The following MYT1L variants were observed in gnomAD, a reference collection of about 807,000 sequenced individuals.
MYT1L encodes myelin transcription factor 1-like protein.
Under a neutral mutation model 126.7 loss-of-function variants are expected in MYT1L, and 12 were observed. The ratio of observed to expected loss-of-function variants is 0.09; its 90% CI spans 0.06 to 0.15. The LOEUF (loss-of-function observed/expected upper bound fraction) is 0.15. Among genes scored for constraint, MYT1L ranks in the 10% least tolerant of loss-of-function variants. The pLI is 1.00. For synonymous variants in MYT1L, 541 were observed against 604.2 expected, an observed-to-expected ratio of 0.90 and a Z score of 1.53; for missense variants, 979 against 1,585.2, an observed-to-expected ratio of 0.62 and a Z score of 6.49.
At chr2:2,315,575 A>G (rs1170794316) in intron 1 of MYT1L, among the ~76,000 whole-genome samples, 2 of 152,188 alleles carry the variant, frequency 1.3e-5, no homozygotes, top group Non-Finnish European at 2.9e-5. Context: ...CCCACTAAGT[A>G]TTAGCCATTG....
intron 2 of MYT1L, among the ~76,000 whole-genome samples, chr2:2,243,609 G>A (rs1312311799): frequency 6.6e-6 from 1 of 152,202 alleles, no homozygotes; most frequent in African/African-American, 2.4e-5. Flanking sequence ...ATAAACACCA[G>A]GGGCCCTGCA....
intron 4 of MYT1L, among the ~76,000 whole-genome samples, chr2:2,023,576 C>A (rs1978703): frequency 6.6e-6 from 1 of 151,708 alleles, no homozygotes; most frequent in Non-Finnish European, 1.5e-5. Flanking sequence ...CCCACAGAGG[C>A]AGAACTCGGA....
Position 1,848,297 on chromosome 2 carries a change from GCA to G in MYT1L, c.2774+3342_2774+3343del, listed in dbSNP as rs2042769921. The stretch of plus-strand genomic sequence containing the variant: ...TCTACAGACACCACGGAAGCGCGAG[GCA>G]TTTGTCCTGGGAGCAGGAGGAAGAA... On this transcript the variant is annotated intron_variant, in intron 19 of 24. Transcript: ENST00000647738. This position sits in a 1 kb window ranked among gnomAD's most constrained non-coding sequence, Gnocchi z 4.8. Among the ~76,000 whole-genome samples the G allele has an allele frequency of 1.7e-4, 9 of 51,614 alleles. No homozygotes were observed. The highest frequency in any genetic ancestry group is 3.9e-4 in the African/African-American group (3 of 7,678). 33.9% of individuals were successfully genotyped at this position (51,614 alleles called of 152,430 possible).
chr2:2,119,978 A>C (rs939814199), intron 3 of MYT1L, among the ~76,000 whole-genome samples: 2 of 152,194 alleles, frequency 1.3e-5, no homozygotes, highest in Non-Finnish European at 2.9e-5. Context: ...TTAAGAGAAT[A>C]AAGGAGACTT....
chr2:1,873,653 A>C (rs2046521996), intron 18 of MYT1L, among the ~76,000 whole-genome samples: 1 of 152,208 alleles, frequency 6.6e-6, no homozygotes, highest in Non-Finnish European at 1.5e-5. Flanking sequence ...GGTGCACAGA[A>C]AGCCCCAATC....
At chr2:2,235,339 C>T (rs1255913589) in intron 2 of MYT1L, among the ~76,000 whole-genome samples, 1 of 146,372 alleles carries the variant, frequency 6.8e-6, no homozygotes, top group East Asian at 2.1e-4. Context: ...AGCTGGTTAG[C>T]GTGTTCCTCA....
At position 1,789,519 on chromosome 2, in the gene MYT1L, T is replaced by A. The variant is rs554936502; in HGVS notation, c.*2348A>T. The stretch of plus-strand genomic sequence containing the variant: ...ACAGATAACTTTTGATTTGAGATTA[T>A]GTACCAACGTTAGATGAGCAGCAGG... On this transcript the variant is annotated 3_prime_UTR_variant, in exon 25 of 25. Coordinates refer to ENST00000647738, the MANE Select transcript of MYT1L (RefSeq NM_001303052.2). 60 of 152,366 alleles carry A rather than the reference T, an allele frequency of 3.9e-4. No homozygotes were observed. Among genetic ancestry groups the A allele is most frequent in the African/African-American group, 1.4e-3 (59 of 41,586 alleles). The allele number at this position is 152,366 out of a possible 1,614,324, so 9.4% of individuals were successfully genotyped here.
chr2:2,254,890 AC>A (rs1388443064), intron 2 of MYT1L, among the ~76,000 whole-genome samples: 2 of 152,048 alleles, frequency 1.3e-5, no homozygotes, highest in Non-Finnish European at 2.9e-5. Flanking sequence ...TCTTCCCCAA[AC>A]TTTTACTACA....
At position 1,979,158 on chromosome 2, in the gene MYT1L, G is replaced by GC. The variant is rs1425038205; in HGVS notation, c.152+6dup. Reference sequence around the variant, plus strand: ...GCACATTGTGGAAAAAAAAATGCAGGCATTACCTTCTGTGTCTTGCATATT... The same window carrying GC: ...GCACATTGTGGAAAAAAAAATGCAGGCCATTACCTTCTGTGTCTTGCATATT... On this transcript the variant is annotated splice_region_variant and intron_variant, in intron 8 of 24. Transcript: ENST00000647738. This position sits in a 1 kb window ranked among gnomAD's most constrained non-coding sequence, Gnocchi z 4.0. 6.2e-7 allele frequency: 1 copy of GC among 1,611,296 alleles called. No homozygotes were observed. Among genetic ancestry groups the GC allele is most frequent in the Non-Finnish European group, 8.5e-7 (1 of 1,178,416 alleles).
At chr2:1,879,494 A>C (rs955715605) in intron 18 of MYT1L, among the ~76,000 whole-genome samples, 4 of 152,140 alleles carry the variant, frequency 2.6e-5, no homozygotes, top group Non-Finnish European at 5.9e-5. Context: ...AATTCCTCCA[A>C]ATTAGAAGAG....
At chr2:2,230,347 G>C (rs2094131366) in intron 2 of MYT1L, among the ~76,000 whole-genome samples, 1 of 152,190 alleles carries the variant, frequency 6.6e-6, no homozygotes, top group Non-Finnish European at 1.5e-5. Context: ...CTTTTGCTGG[G>C]ATGCAACTTC....
intron 2 of MYT1L, among the ~76,000 whole-genome samples, chr2:2,226,028 C>T (rs1223352092): frequency 6.6e-6 from 1 of 152,138 alleles, no homozygotes. Context: ...TAAGTCATGG[C>T]ACCACCAGAG....
intron 8 of MYT1L, among the ~76,000 whole-genome samples, chr2:1,978,522 T>G (rs1434652056): frequency 6.6e-6 from 1 of 152,170 alleles, no homozygotes; most frequent in East Asian, 1.9e-4. Flanking sequence ...CCATGACACA[T>G]TTTGAGCAAT....
intron 18 of MYT1L, among the ~76,000 whole-genome samples, chr2:1,879,978 A>G (rs1218931866): frequency 2.6e-5 from 4 of 152,200 alleles, no homozygotes; most frequent in African/African-American, 9.6e-5. Flanking sequence ...CTTCCTCATG[A>G]TTTTCTTCTG....
At chr2:2,011,582 G>A (rs967771526) in intron 4 of MYT1L, among the ~76,000 whole-genome samples, 67 of 151,714 alleles carry the variant, frequency 4.4e-4, no homozygotes, top group African/African-American at 1.6e-3. Context: ...CACCACAAAA[G>A]TGAAAAAAAC....
At position 1,852,426 on chromosome 2, in the gene MYT1L, C is replaced by G. The variant is rs191905966; in HGVS notation, c.2712-723G>C. Among the ~76,000 whole-genome samples the G allele has an allele frequency of 2.6e-5, 4 of 152,130 alleles. No homozygotes were observed. Among genetic ancestry groups the G allele is most frequent in the Non-Finnish European group, 5.9e-5 (4 of 68,036 alleles). On this transcript the variant is annotated intron_variant, in intron 18 of 24. Transcript: ENST00000647738. The surrounding 1 kb of genome is among the most constrained non-coding windows in gnomAD (Gnocchi z 4.0). ...CATACACTCATCTGCTGAAGCCTAC[C>G]GAGGCAACCCCATCCCGTTTCTTAA...
At chr2:2,102,107 C>T (rs2078163782) in intron 3 of MYT1L, among the ~76,000 whole-genome samples, 1 of 152,160 alleles carries the variant, frequency 6.6e-6, no homozygotes, top group South Asian at 2.1e-4. Flanking sequence ...CCCTGCAGTC[C>T]CCTACTTATA....
At chr2:1,918,404 G>C (rs2053143180) in intron 10 of MYT1L, among the ~76,000 whole-genome samples, 1 of 152,138 alleles carries the variant, frequency 6.6e-6, no homozygotes, top group Non-Finnish European at 1.5e-5. Flanking sequence ...ATTTAGTCCA[G>C]AAATGCAATA....
intron 3 of MYT1L, among the ~76,000 whole-genome samples, chr2:2,074,659 G>A (rs1157038894): frequency 6.6e-6 from 1 of 152,198 alleles, no homozygotes; most frequent in Non-Finnish European, 1.5e-5. Flanking sequence ...CAAGGCTAGA[G>A]AGGTGGACAT....
Sources: gnomAD v4.1 joint callset for allele counts (sites outside exome capture counted in the v4.1 genomes callset) on GRCh38, gnomAD v4.1.1 for gene constraint, Gnocchi (gnomAD v3.1) non-coding constraint, MANE v1.5 for transcripts, NCBI Gene and HGNC (gene_info 2026-07-23, HGNC 2026-07-21) for gene names.